The following PTK7 variants were observed in gnomAD, a reference collection of about 807,000 sequenced individuals.
PTK7 encodes the protein protein tyrosine kinase 7 (inactive).
Under a neutral mutation model 116.6 loss-of-function variants are expected in PTK7, and 39 were observed. That is an observed-to-expected ratio of 0.33 (90% CI 0.26 to 0.44). The LOEUF (loss-of-function observed/expected upper bound fraction) is 0.44, where lower values mean the gene tolerates loss of function less well. PTK7 is among the 20% of genes least tolerant of loss of function. PTK7 has a pLI of 1.00. For missense variants in PTK7, 1,169 were observed against 1,425.6 expected (o/e 0.82, Z 2.90); for synonymous variants, 546 against 563.6 (o/e 0.97, Z 0.44).
At chr6:43,118,647 CTCTCTCTCTCTCTATATATATA>C (rs1161087423) in intron 1 of PTK7, among the ~76,000 whole-genome samples, 14 of 87,746 alleles carry the variant, frequency 1.6e-4, no homozygotes, top group South Asian at 7.3e-4. Flanking sequence ...CTCTCTCTCT[CTCTCTCTCTCTCTATATATATA>C]TATATATATA....
intron 1 of PTK7, among the ~76,000 whole-genome samples, chr6:43,092,742 G>A (rs1767018554): frequency 6.6e-6 from 1 of 152,168 alleles, no homozygotes; most frequent in Admixed American, 6.5e-5. Context: ...CTATAACTGT[G>A]ATGGTTATCT....
At chr6:43,118,491 G>T in intron 1 of PTK7, among the ~76,000 whole-genome samples, 1 of 151,134 alleles carries the variant, frequency 6.6e-6, no homozygotes, top group South Asian at 2.1e-4. Context: ...AGCTGAGATT[G>T]CACCACTGCA....
At chr6:43,089,515 CAG>C (rs1766832014) in intron 1 of PTK7, among the ~76,000 whole-genome samples, 3 of 152,322 alleles carry the variant, frequency 2.0e-5, no homozygotes, top group Admixed American at 6.5e-5. Flanking sequence ...CTTACAGCCT[CAG>C]GGGGGAGAAA....
Position 43,139,511 on chromosome 6 carries a change from A to T in PTK7, c.1604A>T (p.Lys535Met). The change falls in exon 10 of 20, where the codon AAG (lysine) becomes ATG (methionine). Residue 535 changes from lysine (K) to methionine (M), a missense_variant. This residue lies in a region of PTK7 where 678 missense variants were observed against 853.8 expected (regional missense o/e 0.79). Transcript: ENST00000230419. This position sits in a 1 kb window ranked among gnomAD's most constrained non-coding sequence, Gnocchi z 4.6. The part of the protein sequence containing the change: ...SATGREKPTI[K>M]WERADGSSLP... ...ACAGGCCGAGAGAAGCCCACTATTA[A>T]GTGGGAACGGGCAGGTGGGTACAGT... 6.2e-7 allele frequency: 1 copy of T among 1,614,212 alleles called. No homozygotes were observed.
intron 17 of PTK7, among the ~76,000 whole-genome samples, chr6:43,151,357 G>A (rs1771069419): frequency 2.1e-5 from 3 of 146,154 alleles, no homozygotes; most frequent in Non-Finnish European, 4.5e-5. Flanking sequence ...GACCACAGGC[G>A]CCCACTACCA....
At chr6:43,135,454 T>C (rs1401644635) in intron 7 of PTK7, among the ~76,000 whole-genome samples, 2 of 152,204 alleles carry the variant, frequency 1.3e-5, no homozygotes, top group South Asian at 2.1e-4. Flanking sequence ...TGAACAAATA[T>C]AATTTTAGGT....
intron 1 of PTK7, among the ~76,000 whole-genome samples, chr6:43,109,280 A>G (rs113452262): frequency 7.2e-5 from 11 of 152,084 alleles, no homozygotes; most frequent in South Asian, 2.1e-4. Context: ...GGCTCAAGCA[A>G]TCCTCCCACC....
intron 1 of PTK7, among the ~76,000 whole-genome samples, chr6:43,103,368 A>G (rs1474729357): frequency 6.6e-6 from 1 of 152,200 alleles, no homozygotes; most frequent in East Asian, 1.9e-4. Flanking sequence ...GCAAGCAACA[A>G]GGCTTTAATC....
intron 1 of PTK7, among the ~76,000 whole-genome samples, chr6:43,092,595 A>G (rs577852274): frequency 5.7e-4 from 87 of 152,244 alleles, no homozygotes; most frequent in Admixed American, 9.8e-4. Context: ...TGGGGGGACT[A>G]CTGTATATAA....
chr6:43,104,808 CTTTTTT>C (rs35126838), intron 1 of PTK7, among the ~76,000 whole-genome samples: 1 of 102,842 alleles, frequency 9.7e-6, no homozygotes, highest in Non-Finnish European at 1.9e-5. Flanking sequence ...ATTAGCACAA[CTTTTTT>C]TTTTTTTTTT....
intron 1 of PTK7, among the ~76,000 whole-genome samples, chr6:43,095,555 A>G (rs1767207175): frequency 6.6e-6 from 1 of 152,298 alleles, no homozygotes; most frequent in Middle Eastern, 3.4e-3. Context: ...GGGCCAATTT[A>G]TGGAAGGCAA....
At chr6:43,154,369 A>G (rs1342006490) in intron 17 of PTK7, among the ~76,000 whole-genome samples, 1 of 152,086 alleles carries the variant, frequency 6.6e-6, no homozygotes, top group Non-Finnish European at 1.5e-5. Flanking sequence ...AAATAGCCAC[A>G]TGGGGATAGT....
At chr6:43,121,367 G>C (rs942003738) in intron 1 of PTK7, among the ~76,000 whole-genome samples, 1 of 152,204 alleles carries the variant, frequency 6.6e-6, no homozygotes, top group Non-Finnish European at 1.5e-5. Flanking sequence ...TGGTGATCCT[G>C]TTCTGTTTCT....
intron 1 of PTK7, among the ~76,000 whole-genome samples, chr6:43,098,150 C>A (rs1196279923): frequency 6.6e-6 from 1 of 152,112 alleles, no homozygotes; most frequent in Admixed American, 6.6e-5. Flanking sequence ...GAGAGACATT[C>A]AGCATGAGCC....
intron 1 of PTK7, among the ~76,000 whole-genome samples, chr6:43,109,141 G>C (rs1190699094): frequency 1.3e-5 from 2 of 152,164 alleles, no homozygotes; most frequent in Non-Finnish European, 2.9e-5. Context: ...TTACCCTTAC[G>C]AATGCTTAAG....
intron 1 of PTK7, among the ~76,000 whole-genome samples, chr6:43,098,387 G>T (rs1399349932): frequency 6.7e-6 from 1 of 148,854 alleles, no homozygotes; most frequent in Non-Finnish European, 1.5e-5. Context: ...AGACAGCCTC[G>T]CTCTGTCGCC....
At chr6:43,119,429 C>T (rs1328017119) in intron 1 of PTK7, among the ~76,000 whole-genome samples, 1 of 152,180 alleles carries the variant, frequency 6.6e-6, no homozygotes, top group African/African-American at 2.4e-5. Flanking sequence ...CGGGAAGGAC[C>T]ATGGGAAGCT....
At position 43,143,304 on chromosome 6, in the gene PTK7, C is replaced by T; in HGVS notation, c.2048-113C>T. The T allele has an allele frequency of 9.5e-7, 1 of 1,053,770 alleles. No homozygotes were observed. Among genetic ancestry groups the T allele is most frequent in the South Asian group, 1.5e-5 (1 of 66,674 alleles). 65.3% of individuals were successfully genotyped at this position (1,053,770 alleles called of 1,614,324 possible). A position where few individuals can be genotyped will look rare whatever the true frequency, so the allele number is the denominator to read the frequency against. On this transcript the variant is annotated intron_variant, in intron 13 of 19. Coordinates refer to ENST00000230419, the MANE Select transcript of PTK7 (RefSeq NM_002821.5). The surrounding 1 kb of genome is among the most constrained non-coding windows in gnomAD (Gnocchi z 4.2). ...GTTAAAGCCAGTGAAGGTGGTGACC[C>T]TCCCGGGCCATCTGTTAAGTTGCCC...
At chr6:43,138,816 G>A (rs1770202341) in intron 7 of PTK7, 33 bp from the exon 8 acceptor site, 1 of 1,574,164 alleles carries the variant, frequency 6.4e-7, no homozygotes, top group East Asian at 2.2e-5. Context: ...GACCTGTGAA[G>A]CAGCCTTCAC....
Sources: gnomAD v4.1 joint callset for allele counts (sites outside exome capture counted in the v4.1 genomes callset) on GRCh38, gnomAD v4.1.1 for gene constraint, gnomAD v4.1.1 regional missense constraint, Gnocchi (gnomAD v3.1) non-coding constraint, MANE v1.5 for transcripts, NCBI Gene and HGNC (gene_info 2026-07-23, HGNC 2026-07-21) for gene names.